The following SLC3A1 variants were observed in gnomAD, a reference collection of about 807,000 sequenced individuals.
SLC3A1 encodes solute carrier family 3 member 1.
A neutral mutation model predicts 60.3 loss-of-function variants in SLC3A1; 78 were observed. The observed-to-expected ratio is 1.29, with a 90% CI of 1.08 to 1.56. The LOEUF is 1.56. Ranked by LOEUF, SLC3A1 falls within the 40% of genes most tolerant of loss-of-function variation. SLC3A1 has a pLI of 0.00. For missense variants in SLC3A1, 1,172 were observed against 858.9 expected, an observed-to-expected ratio of 1.36 and a Z score of -4.56; for synonymous variants, 392 against 307.9, an observed-to-expected ratio of 1.27 and a Z score of -2.86.
chr2:44,297,652 C>G (rs569216547), intron 4 of SLC3A1, among the ~76,000 whole-genome samples: 1 of 152,168 alleles, frequency 6.6e-6, no homozygotes, highest in South Asian at 2.1e-4. Flanking sequence ...TGCTGTACTT[C>G]TGTAATGTTT....
chr2:44,315,468 G>C (rs375855698), intron 9 of SLC3A1, among the ~76,000 whole-genome samples: 3 of 147,662 alleles, frequency 2.0e-5, no homozygotes, highest in South Asian at 2.2e-4. Context: ...AGGCAATATA[G>C]TGAGACCTTG....
At position 44,279,935 on chromosome 2, in the gene SLC3A1, G is replaced by A. The variant is rs143465964; in HGVS notation, c.431-781G>A. The stretch of plus-strand genomic sequence containing the variant: ...GGGTCTTCAAAATCCAATACATGTT[G>A]TTCCCTTACAGCACATCTCAATTCC... On this transcript the variant is annotated intron_variant, in intron 1 of 9. Coordinates refer to ENST00000260649, the MANE Select transcript of SLC3A1 (RefSeq NM_000341.4). Among the ~76,000 whole-genome samples, 704 of 152,126 alleles carry A rather than the reference G, an allele frequency of 4.6e-3. 8 individuals are homozygous for A. Among genetic ancestry groups the A allele is most frequent in the African/African-American group, 0.016 (677 of 41,490 alleles).
chr2:44,293,989 T>C (rs1558459277), intron 4 of SLC3A1, among the ~76,000 whole-genome samples: 2 of 152,108 alleles, frequency 1.3e-5, no homozygotes, highest in Non-Finnish European at 1.5e-5. Flanking sequence ...ACTTGTTAAA[T>C]AGTCAGTAAA....
chr2:44,281,238 A>G (rs2104335015), intron 2 of SLC3A1, 149 bp from the exon 3 acceptor site: 2 of 681,372 alleles, frequency 2.9e-6, no homozygotes, highest in Admixed American at 2.3e-5. Context: ...GGCTCACTTC[A>G]GCCTCCACCT....
chr2:44,280,257 G>T (rs1390451379), intron 1 of SLC3A1, among the ~76,000 whole-genome samples: 2 of 148,690 alleles, frequency 1.3e-5, no homozygotes, highest in Admixed American at 6.7e-5. Context: ...TTTTTTTTTT[G>T]AGAAAGGGTC....
intron 4 of SLC3A1, among the ~76,000 whole-genome samples, chr2:44,291,422 G>A (rs992457154): frequency 1.3e-4 from 20 of 152,126 alleles, no homozygotes; most frequent in African/African-American, 4.6e-4. Flanking sequence ...CCCAAGCCGT[G>A]GAGTGTGTGG....
intron 4 of SLC3A1, among the ~76,000 whole-genome samples, chr2:44,292,018 T>C (rs1410127751): frequency 2.0e-5 from 3 of 152,224 alleles, no homozygotes; most frequent in African/African-American, 7.2e-5. Flanking sequence ...ACTTTATACT[T>C]TCCCAATCAC....
At position 44,320,219 on chromosome 2, in the gene SLC3A1, A is replaced by G. The variant is rs1274799487; in HGVS notation, c.1638A>G (p.Arg546=). 6.2e-7 allele frequency: 1 copy of G among 1,613,748 alleles called. No homozygotes were observed. The highest frequency in any genetic ancestry group is 1.3e-5 in the African/African-American group (1 of 74,918). Residue 546 remains arginine, a synonymous_variant, in exon 10 of 10, where the codon AGA becomes AGG. Transcript: ENST00000260649. ...VNVDVQKTQP[R]SALKLYQDLS... ...AATAGGTCCAAAAGACTCAGCCCAG[A>G]TCGGCTTTGAAGTTATATCAAGATT... is the stretch of plus-strand genomic sequence containing the variant.
At chr2:44,282,960 A>T (rs1671533461) in intron 3 of SLC3A1, among the ~76,000 whole-genome samples, 1 of 152,182 alleles carries the variant, frequency 6.6e-6, no homozygotes. Flanking sequence ...GCCCGGCCAC[A>T]TGAGTAATAC....
At chr2:44,296,306 C>A (rs915286455) in intron 4 of SLC3A1, among the ~76,000 whole-genome samples, 1 of 152,176 alleles carries the variant, frequency 6.6e-6, no homozygotes, top group Non-Finnish European at 1.5e-5. Context: ...GCTGGAGATT[C>A]TAAAATAATC....
At chr2:44,317,921 C>A (rs897858459) in intron 9 of SLC3A1, 3 of 251,246 alleles carry the variant, frequency 1.2e-5, no homozygotes, top group Non-Finnish European at 2.4e-5. Flanking sequence ...GAAACACTAA[C>A]ATAAAACACA....
intron 6 of SLC3A1, among the ~76,000 whole-genome samples, chr2:44,301,738 C>CAAAAAAA (rs10657360): frequency 3.2e-5 from 3 of 93,420 alleles, no homozygotes; most frequent in African/African-American, 4.3e-5. Context: ...GACTCCATCA[C>CAAAAAAA]AAAAAAAAAA....
At position 44,304,148 on chromosome 2, in the gene SLC3A1, T is replaced by A. The variant is rs774776008; in HGVS notation, c.1142T>A (p.Met381Lys). ...AACCTTGTCAACTCTTATAGGTTCA[T>A]GGGGACTGAAGCCTATGCAGAGAGT... ...YSTEPGRYRF[M>K]GTEAYAESID... The change falls in exon 7 of 10, where the codon ATG becomes AAG. Residue 381 changes from methionine to lysine, a missense_variant. Physicochemically the swap from Met to Lys is moderately conservative, Grantham distance 95. Coordinates refer to ENST00000260649, the MANE Select transcript of SLC3A1 (RefSeq NM_000341.4). 2 of 1,613,620 alleles carry A rather than the reference T, an allele frequency of 1.2e-6. No homozygotes were observed. The highest frequency in any genetic ancestry group is 3.3e-5 in the Admixed American group (2 of 59,992).
At chr2:44,309,154 C>T (rs1289504459) in intron 7 of SLC3A1, among the ~76,000 whole-genome samples, 1 of 152,178 alleles carries the variant, frequency 6.6e-6, no homozygotes, top group Non-Finnish European at 1.5e-5. Flanking sequence ...TCACCATTAT[C>T]AGTTTCTAGA....
At chr2:44,313,296 C>G (rs1558469405) in intron 8 of SLC3A1, among the ~76,000 whole-genome samples, 2 of 152,240 alleles carry the variant, frequency 1.3e-5, no homozygotes, top group East Asian at 3.9e-4. Context: ...GGGTAGACGA[C>G]TATCTTGCAA....
At chr2:44,277,833 G>C (rs1172516767) in intron 1 of SLC3A1, among the ~76,000 whole-genome samples, 2 of 152,180 alleles carry the variant, frequency 1.3e-5, no homozygotes, top group Non-Finnish European at 2.9e-5. Flanking sequence ...TGTTCTTGGA[G>C]GAATGTTTTA....
chr2:44,280,325 G>C (rs1405458798), intron 1 of SLC3A1, among the ~76,000 whole-genome samples: 1 of 151,962 alleles, frequency 6.6e-6, no homozygotes, highest in Non-Finnish European at 1.5e-5. Flanking sequence ...TGTAGCCTCC[G>C]ATTCCCAGGT....
At chr2:44,291,282 T>C (rs1671735071) in intron 4 of SLC3A1, among the ~76,000 whole-genome samples, 1 of 152,212 alleles carries the variant, frequency 6.6e-6, no homozygotes, top group Non-Finnish European at 1.5e-5. Context: ...AGTAGATTTT[T>C]CCAGGCTCCT....
Position 44,320,245 on chromosome 2 carries a change from T to G in SLC3A1, c.1664T>G (p.Leu555Ter). ...TCGGCTTTGAAGTTATATCAAGATT[T>G]AAGTCTACTTCATGCCAATGAGCTA... ...PRSALKLYQD[L>*]SLLHANELLL... is the part of the protein sequence containing the mutation. Residue 555 changes from leucine (L) to a stop codon, truncating the protein, a stop_gained, in exon 10 of 10, where the codon TTA becomes TGA. Transcript: ENST00000260649. LOFTEE classifies it low-confidence loss of function (END_TRUNC). 6.2e-7 allele frequency: 1 copy of G among 1,614,088 alleles called. No homozygotes were observed. The highest frequency in any genetic ancestry group is 1.6e-4 in the Middle Eastern group (1 of 6,062).
Sources: gnomAD v4.1 joint callset for allele counts (sites outside exome capture counted in the v4.1 genomes callset) on GRCh38, gnomAD v4.1.1 for gene constraint, MANE v1.5 for transcripts, NCBI Gene and HGNC (gene_info 2026-07-23, HGNC 2026-07-21) for gene names.